The following DDTL variants were observed in gnomAD, a reference collection of about 807,000 sequenced individuals.
DDTL encodes putative D-dopachrome decarboxylase-like protein.
DDTL carries 1 observed loss-of-function variant against 1.1 expected under a neutral mutation model. The ratio of observed to expected loss-of-function variants is 0.91; its 90% CI spans 0.32 to 4.31. DDTL has a LOEUF of 4.31. Ranked by LOEUF, DDTL falls within the 30% of genes most tolerant of loss-of-function variation. The probability of loss-of-function intolerance (pLI) is 0.17; values close to 1 mark genes in which losing one functional copy is unlikely to be tolerated. For synonymous variants in DDTL, 21 were observed against 16.6 expected (o/e 1.26, Z -0.64); for missense variants, 54 against 48.9 (o/e 1.10, Z -0.31).
intron 2 of DDTL, chr22:23,969,887 T>C: frequency 1.0e-6 from 1 of 984,508 alleles, no homozygotes; most frequent in Non-Finnish European, 1.2e-6. Context: ...AGTTAAACAG[T>C]CAGTCCCAGT....
At chr22:23,969,161 C>G (rs2033855376) in intron 2 of DDTL, 1 of 984,856 alleles carries the variant, frequency 1.0e-6, no homozygotes, top group South Asian at 4.7e-5. Context: ...TAGATAATCT[C>G]CATTATGCCA....
rs1324267511 is a variant in DDTL at position 23,969,325 on chromosome 22, G to C, written c.284+1764G>C. 30 of 985,414 alleles carry C rather than the reference G, an allele frequency of 3.0e-5. 2 individuals carry two copies. In the Admixed American group the frequency reaches 1.5e-3, roughly 50 times the overall value. 61.0% of individuals were successfully genotyped at this position (985,414 alleles called of 1,614,324 possible). A position where few individuals can be genotyped will look rare whatever the true frequency, so the allele number is the denominator to read the frequency against. ...ATTAGTGGTGGGGGGGCCACCCTGT[G>C]CCCAACCTTTGAGAAAACAGGTGTC... On this transcript the variant is annotated intron_variant, in intron 2 of 2. Transcript: ENST00000215770.
rs139852514 is a variant in DDTL at position 23,971,684 on chromosome 22, C to T, written c.*278C>T. Reference sequence around the variant, plus strand: ...TTGGCTAATACCACATCTTGCAAGACCCCTGCCAGGTACTCCCACTGTGGG... The same window carrying T: ...TTGGCTAATACCACATCTTGCAAGATCCCTGCCAGGTACTCCCACTGTGGG... On this transcript the variant is annotated 3_prime_UTR_variant, in exon 3 of 3. Transcript: ENST00000215770. The T allele has an allele frequency of 7.3e-6, 11 of 1,500,608 alleles. No homozygotes were observed. The East Asian group carries it at 2.5e-4, about 34-fold the overall frequency. 93.0% of individuals were successfully genotyped at this position (1,500,608 alleles called of 1,614,324 possible).
In DDTL at chr22:23,971,940, G is replaced by A. The variant is rs2033913620; in HGVS notation, c.*534G>A. The A allele has an allele frequency of 3.9e-6, 1 of 257,650 alleles. No homozygotes were observed. Among genetic ancestry groups the A allele is most frequent in the South Asian group, 9.4e-5 (1 of 10,674 alleles). The allele number at this position is 257,650 out of a possible 1,614,324, so 16.0% of individuals were successfully genotyped here. Reference sequence around the variant, plus strand: ...AGGGGTACCCTGCCTCCTAATTGCAGGCTCCCTAAGGGCACAGTACCTCAG... The same window carrying A: ...AGGGGTACCCTGCCTCCTAATTGCAAGCTCCCTAAGGGCACAGTACCTCAG... On this transcript the variant is annotated 3_prime_UTR_variant, in exon 3 of 3. Transcript: ENST00000215770.
chr22:23,970,450 CGGG>C (rs971571234), intron 2 of DDTL, among the ~76,000 whole-genome samples: 1 of 151,262 alleles, frequency 6.6e-6, no homozygotes, highest in African/African-American at 2.4e-5. Context: ...CTGTGTGTGA[CGGG>C]GAGTATGTGT....
In DDTL at chr22:23,972,121, C is replaced by G; in HGVS notation, c.*715C>G. The stretch of plus-strand genomic sequence containing the variant: ...CTTGGGACAGCCTGGTTGGGGCGGG[C>G]GGGAGTATGAACAGCCTGTCTTCTC... On this transcript the variant is annotated 3_prime_UTR_variant, in exon 3 of 3. Coordinates refer to ENST00000215770, the MANE Select transcript of DDTL (RefSeq NM_001084393.2). 1.0e-6 allele frequency: 1 copy of G among 969,110 alleles called. No individual in the cohort carries two copies. The highest frequency in any genetic ancestry group is 1.2e-6 in the Non-Finnish European group (1 of 815,420). 60.0% of individuals were successfully genotyped at this position (969,110 alleles called of 1,614,324 possible).
rs1449424865 is a variant in DDTL at position 23,969,299 on chromosome 22, C to G, written c.284+1738C>G. On this transcript the variant is annotated intron_variant, in intron 2 of 2. Transcript: ENST00000215770. ...GGGGCATGTTGGCTTATGGCACAGA[C>G]ATTAGTGGTGGGGGGGCCACCCTGT... is the stretch of plus-strand genomic sequence containing the variant. 3.3e-5 allele frequency: 33 copies of G among 985,368 alleles called. 1 individual carries two copies. The highest frequency in any genetic ancestry group is 3.1e-5 in the Non-Finnish European group (26 of 829,910). 61.0% of individuals were successfully genotyped at this position (985,368 alleles called of 1,614,324 possible).
In DDTL at chr22:23,969,292, G is replaced by C. The variant is rs1219905048; in HGVS notation, c.284+1731G>C. 3 of 985,360 alleles carry C rather than the reference G, an allele frequency of 3.0e-6. 1 individual carries two copies. Among genetic ancestry groups the C allele is most frequent in the Admixed American group, 1.2e-4 (2 of 16,262 alleles). 61.0% of individuals were successfully genotyped at this position (985,360 alleles called of 1,614,324 possible). A position where few individuals can be genotyped will look rare whatever the true frequency, so the allele number is the denominator to read the frequency against. ...TCTGAGAGGGGCATGTTGGCTTATG[G>C]CACAGACATTAGTGGTGGGGGGGCC... On this transcript the variant is annotated intron_variant, in intron 2 of 2. Coordinates refer to ENST00000215770, the MANE Select transcript of DDTL (RefSeq NM_001084393.2).
chr22:23,970,590 G>A (rs1470165986), intron 2 of DDTL, among the ~76,000 whole-genome samples: 1 of 152,070 alleles, frequency 6.6e-6, no homozygotes, highest in Non-Finnish European at 1.5e-5. Context: ...TTGGATGTGA[G>A]TGAATTATGT....
intron 2 of DDTL, among the ~76,000 whole-genome samples, chr22:23,970,963 G>A (rs1435814646): frequency 6.6e-6 from 1 of 152,160 alleles, no homozygotes; most frequent in African/African-American, 2.4e-5. Flanking sequence ...GCAGACTGGG[G>A]ACCCTGCTTC....
chr22:23,971,343 A>T lies in DDTL; in HGVS notation c.342A>T (p.Gly114=), dbSNP rs1569029917. The change falls in exon 3 of 3, where the codon GGA becomes GGT. Residue 114 remains glycine (G), a synonymous_variant. Transcript: ENST00000215770. ...CCCATGGTGGCCCCAGATGCCCAGG[A>T]GAGATAATAGAAGGTAAGAAGTCAT... ...PAAHGGPRCP[G]EIIEGKKSCL... 3 of 1,602,030 alleles carry T rather than the reference A, an allele frequency of 1.9e-6. No individual in the cohort carries two copies. The highest frequency in any genetic ancestry group is 2.6e-6 in the Non-Finnish European group (3 of 1,174,948).
chr22:23,971,603 G>C lies in DDTL; in HGVS notation c.*197G>C. On this transcript the variant is annotated 3_prime_UTR_variant, in exon 3 of 3. Transcript: ENST00000215770. ...CTTGCCAATCTGCCAGGACTCCAAG[G>C]GGAAAAAGCGGATAAGTATCCTTCA... 1 of 1,613,966 alleles carries C rather than the reference G, an allele frequency of 6.2e-7. No homozygotes were observed. The highest frequency in any genetic ancestry group is 1.1e-5 in the South Asian group (1 of 91,070).
intron 2 of DDTL, chr22:23,969,402 C>T: frequency 3.0e-6 from 3 of 985,384 alleles, no homozygotes; most frequent in Non-Finnish European, 3.6e-6. Context: ...CAGATTGCCC[C>T]TCAGCCCACA....
rs551118612 is a variant in DDTL at position 23,970,983 on chromosome 22, A to G, written c.285-303A>G. Among the ~76,000 whole-genome samples, 492 of 151,226 alleles carry G rather than the reference A, an allele frequency of 3.3e-3. 2 individuals carry two copies. The highest frequency in any genetic ancestry group is 0.011 in the African/African-American group (463 of 41,266). ...CTGGGGACCCTGCTTCTGGAAAACCAGCGACCAACCCCCAAAGGGACACAG... is the reference window on the plus strand; with the variant it reads ...CTGGGGACCCTGCTTCTGGAAAACCGGCGACCAACCCCCAAAGGGACACAG... On this transcript the variant is annotated intron_variant, in intron 2 of 2. Coordinates refer to ENST00000215770, the MANE Select transcript of DDTL (RefSeq NM_001084393.2).
At position 23,971,275 on chromosome 22, in the gene DDTL, T is replaced by C. The variant is rs781261193; in HGVS notation, c.285-11T>C. ...CCCCAGATCTGAGCAGTCTAAATCA[T>C]CCCCCTCCAGGTTCCCTACGGTCTT... On this transcript the variant is annotated splice_polypyrimidine_tract_variant and intron_variant, in intron 2 of 2. Transcript: ENST00000215770. The C allele has an allele frequency of 1.2e-6, 2 of 1,607,648 alleles. No individual in the cohort carries two copies. The highest frequency in any genetic ancestry group is 3.4e-5 in the Admixed American group (2 of 58,972).
intron 2 of DDTL, 76 bp from the exon 3 acceptor site, chr22:23,971,210 A>T: frequency 6.6e-7 from 1 of 1,526,550 alleles, no homozygotes; most frequent in Middle Eastern, 2.5e-4. Flanking sequence ...AGGCCTGCAG[A>T]TGGGTGTGGA....
At chr22:23,969,210 C>A in intron 2 of DDTL, 1 of 985,528 alleles carries the variant, frequency 1.0e-6, no homozygotes, top group Non-Finnish European at 1.2e-6. Flanking sequence ...CATACTCCCC[C>A]GCCCTCAGCC....
chr22:23,971,714 C>G lies in DDTL; in HGVS notation c.*308C>G. 7 of 1,180,742 alleles carry G rather than the reference C, an allele frequency of 5.9e-6. No individual in the cohort carries two copies. Among genetic ancestry groups the G allele is most frequent in the Non-Finnish European group, 8.5e-6 (7 of 825,366 alleles). The allele number at this position is 1,180,742 out of a possible 1,614,324, so 73.1% of individuals were successfully genotyped here. ...GCCAGGTACTCCCACTGTGGGTACT[C>G]AGGACAGCCTGCCTCAGTCCACCAG... On this transcript the variant is annotated 3_prime_UTR_variant, in exon 3 of 3. Coordinates refer to ENST00000215770, the MANE Select transcript of DDTL (RefSeq NM_001084393.2).
chr22:23,971,096 G>A (rs2033892312), intron 2 of DDTL, among the ~76,000 whole-genome samples, 190 bp from the exon 3 acceptor site: 1 of 152,224 alleles, frequency 6.6e-6, no homozygotes, highest in Non-Finnish European at 1.5e-5. Flanking sequence ...TAGACTTCAG[G>A]AGGAGTACAG....
Sources: allele counts gnomAD v4.1 joint callset (sites outside exome capture counted in the v4.1 genomes callset), GRCh38; gene constraint gnomAD v4.1.1; transcripts MANE v1.5; gene names NCBI Gene and HGNC (gene_info 2026-07-23, HGNC 2026-07-21).